The following BACH2 variants were observed in gnomAD, a reference collection of about 807,000 sequenced individuals.
BACH2 encodes the protein transcription regulator protein BACH2.
BACH2 carries 5 observed loss-of-function variants against 61.8 expected under a neutral mutation model. The ratio of observed to expected loss-of-function variants is 0.08; its 90% CI spans 0.04 to 0.17. BACH2 has a LOEUF of 0.17. BACH2 is among the 10% of genes least tolerant of loss of function. The pLI is 1.00. For missense variants in BACH2, 824 were observed against 1,091.1 expected (o/e 0.76, Z 3.45); for synonymous variants, 446 against 440.1 (o/e 1.01, Z -0.17).
At chr6:90,113,813 C>A (rs1180875502) in intron 4 of BACH2, among the ~76,000 whole-genome samples, 3 of 151,754 alleles carry the variant, frequency 2.0e-5, no homozygotes, top group African/African-American at 7.3e-5. Context: ...TCCAAATAAA[C>A]GCAATTAGAA....
chr6:89,948,672 C>A (rs1227587685), intron 7 of BACH2, among the ~76,000 whole-genome samples: 1 of 152,112 alleles, frequency 6.6e-6, no homozygotes, highest in East Asian at 1.9e-4. Flanking sequence ...AAAAGGAAAA[C>A]CTCACAAAAG....
chr6:90,041,859 T>A (rs536506462), intron 5 of BACH2, among the ~76,000 whole-genome samples: 33 of 152,344 alleles, frequency 2.2e-4, no homozygotes, highest in African/African-American at 7.9e-4. Context: ...GTTTTTGAAT[T>A]CAGGATTTTT....
rs538442271 is a variant in BACH2 at position 90,084,425 on chromosome 6, A to G, written c.-13+4536T>C. Among the ~76,000 whole-genome samples, 8 of 152,084 alleles carry G rather than the reference A, an allele frequency of 5.3e-5. No individual in the cohort carries two copies. The South Asian group carries it at 1.7e-3, about 32-fold the overall frequency. On this transcript the variant is annotated intron_variant, in intron 5 of 8. Transcript: ENST00000257749. ...TTTATTTTGATTAGATTCCATATCC[A>G]TGCCCTTTCAACTCAAGCTTAGGGT...
At chr6:90,179,228 G>A (rs900964257) in intron 4 of BACH2, among the ~76,000 whole-genome samples, 7 of 151,834 alleles carry the variant, frequency 4.6e-5, no homozygotes, top group Non-Finnish European at 8.8e-5. Flanking sequence ...AAAAAAAAAT[G>A]GGAAGAAATT....
At chr6:90,248,035 T>C (rs965709313) in intron 3 of BACH2, among the ~76,000 whole-genome samples, 4 of 152,260 alleles carry the variant, frequency 2.6e-5, no homozygotes, top group Non-Finnish European at 1.5e-5. Flanking sequence ...GTTACATGAA[T>C]GAATACATAT....
At chr6:90,209,151 A>G (rs1562505491) in intron 3 of BACH2, among the ~76,000 whole-genome samples, 1 of 152,196 alleles carries the variant, frequency 6.6e-6, no homozygotes, top group Non-Finnish European at 1.5e-5. Flanking sequence ...ATGTATACCT[A>G]TGTAATAAAC....
At chr6:90,278,379 C>T (rs1031029287) in intron 1 of BACH2, among the ~76,000 whole-genome samples, 1 of 152,266 alleles carries the variant, frequency 6.6e-6, no homozygotes, top group Non-Finnish European at 1.5e-5. Flanking sequence ...GGTGGGACAC[C>T]CTTCCAGGCC....
chr6:90,066,276 T>G (rs371507311), intron 5 of BACH2, among the ~76,000 whole-genome samples: 184 of 152,216 alleles, frequency 1.2e-3, no homozygotes, highest in African/African-American at 3.8e-3. Context: ...ACGTGGTGCA[T>G]TCAAGAGAGG....
At chr6:90,066,355 G>T (rs1422624581) in intron 5 of BACH2, among the ~76,000 whole-genome samples, 1 of 152,178 alleles carries the variant, frequency 6.6e-6, no homozygotes, top group Non-Finnish European at 1.5e-5. Context: ...TGTGACTCTG[G>T]GTCATGGGGT....
Position 90,245,444 on chromosome 6 carries a change from A to C in BACH2, c.-275+7069T>G, listed in dbSNP as rs571620111. On this transcript the variant is annotated intron_variant, in intron 3 of 8. Coordinates refer to ENST00000257749, the MANE Select transcript of BACH2 (RefSeq NM_021813.4). The stretch of plus-strand genomic sequence containing the variant: ...TGTTTCTAACAAGAAAATTTAAAAA[A>C]ATTATCCAGGTGTTGTGGTGCGTGC... Among the ~76,000 whole-genome samples the C allele has an allele frequency of 3.9e-5, 6 of 152,224 alleles. No individual in the cohort carries two copies. In the East Asian group the frequency reaches 7.7e-4, roughly 20 times the overall value.
intron 4 of BACH2, among the ~76,000 whole-genome samples, chr6:90,132,141 A>C (rs1004443903): frequency 3.9e-5 from 6 of 152,202 alleles, no homozygotes; most frequent in African/African-American, 1.4e-4. Context: ...TAAGAGAGGA[A>C]GCTATCTAAG....
intron 2 of BACH2, among the ~76,000 whole-genome samples, chr6:90,262,759 G>A (rs145118592): frequency 1.3e-3 from 199 of 152,246 alleles, no homozygotes; most frequent in Non-Finnish European, 1.6e-3. Flanking sequence ...AGATTCAAAT[G>A]GTCTACGTAA....
intron 4 of BACH2, among the ~76,000 whole-genome samples, chr6:90,203,581 A>T (rs1769032951): frequency 6.6e-6 from 1 of 152,112 alleles, no homozygotes; most frequent in African/African-American, 2.4e-5. Flanking sequence ...AATTTCTTTA[A>T]CATGTAAGAA....
At position 89,947,518 on chromosome 6, in the gene BACH2, G is replaced by A. The variant is rs190781127; in HGVS notation, c.1836+2752C>T. On this transcript the variant is annotated intron_variant, in intron 7 of 8. Coordinates refer to ENST00000257749, the MANE Select transcript of BACH2 (RefSeq NM_021813.4). ...TTTTCCAAAATGGCATAGAGCTTTG[G>A]TAAATGTCTCTTCTTTCACTGTTCA... Among the ~76,000 whole-genome samples the A allele has an allele frequency of 2.6e-5, 4 of 152,102 alleles. No individual in the cohort carries two copies. In the East Asian group the frequency reaches 5.8e-4, roughly 22 times the overall value.
At chr6:90,258,053 G>A (rs1376886430) in intron 2 of BACH2, among the ~76,000 whole-genome samples, 1 of 152,198 alleles carries the variant, frequency 6.6e-6, no homozygotes, top group African/African-American at 2.4e-5. Flanking sequence ...GGGATTACAG[G>A]CGTGAGCCAC....
chr6:90,122,573 GACTT>G lies in BACH2; in HGVS notation c.-161-33468_-161-33465del, dbSNP rs374906502. On this transcript the variant is annotated intron_variant, in intron 4 of 8. Transcript: ENST00000257749. ...GTCCAACTGAACACAATCAATAATAGACTTACTATGACATTTTAAAAAAATTTCT... is the reference window on the plus strand; with the variant it reads ...GTCCAACTGAACACAATCAATAATAGACTATGACATTTTAAAAAAATTTCT... Among the ~76,000 whole-genome samples, 88 of 152,300 alleles carry G rather than the reference GACTT, an allele frequency of 5.8e-4. No homozygotes were observed. In the East Asian group the frequency reaches 8.9e-3, roughly 15 times the overall value.
At chr6:90,060,371 A>T (rs1187975157) in intron 5 of BACH2, among the ~76,000 whole-genome samples, 1 of 152,106 alleles carries the variant, frequency 6.6e-6, no homozygotes, top group African/African-American at 2.4e-5. Context: ...CCATTGCATG[A>T]AACTATTTTA....
chr6:90,206,133 C>T (rs1769136775), intron 4 of BACH2, among the ~76,000 whole-genome samples: 1 of 152,146 alleles, frequency 6.6e-6, no homozygotes, highest in African/African-American at 2.4e-5. Flanking sequence ...TCATTTCATC[C>T]TTGCAATAAT....
intron 5 of BACH2, among the ~76,000 whole-genome samples, chr6:90,063,243 G>C (rs1180426731): frequency 2.1e-4 from 32 of 152,160 alleles, no homozygotes; most frequent in Admixed American, 2.1e-3. Flanking sequence ...CTATTTTGAG[G>C]CTAATGATGG....
Sources: gnomAD v4.1 joint callset for allele counts (sites outside exome capture counted in the v4.1 genomes callset) on GRCh38, gnomAD v4.1.1 for gene constraint, MANE v1.5 for transcripts, NCBI Gene and HGNC (gene_info 2026-07-23, HGNC 2026-07-21) for gene names.